Variants in PCDH15 observed in about 807,000 individuals in gnomAD.
The protein encoded by PCDH15 is protocadherin related 15.
PCDH15 carries 129 observed loss-of-function variants against 178.5 expected under a neutral mutation model. The observed-to-expected ratio is 0.72, with a 90% CI of 0.63 to 0.84. The LOEUF is 0.84. Ranked by LOEUF, PCDH15 falls within the 40% of genes least tolerant of loss-of-function variation. The pLI is 0.00. For synonymous variants in PCDH15, 800 were observed against 732.0 expected (o/e 1.09, Z -1.50); for missense variants, 2,230 against 2,099.9 (o/e 1.06, Z -1.21).
intron 3 of PCDH15, among the ~76,000 whole-genome samples, chr10:54,423,740 T>G (rs1424629333): frequency 6.6e-6 from 1 of 151,896 alleles, no homozygotes; most frequent in Non-Finnish European, 1.5e-5. Context: ...GAAAAAAGTT[T>G]GAGAGACAGA....
chr10:55,114,947 A>C (rs894350338), intron 2 of PCDH15, among the ~76,000 whole-genome samples: 3 of 152,362 alleles, frequency 2.0e-5, no homozygotes, highest in Non-Finnish European at 4.4e-5. Flanking sequence ...AAATACACAA[A>C]TTAAAAAGAC....
intron 2 of PCDH15, among the ~76,000 whole-genome samples, chr10:55,346,196 A>G (rs1328817780): frequency 6.6e-6 from 1 of 152,212 alleles, no homozygotes; most frequent in Non-Finnish European, 1.5e-5. Flanking sequence ...AATAGTCTTG[A>G]TCAAAGAGCT....
At chr10:54,558,584 T>C (rs1215981719) in intron 2 of PCDH15, among the ~76,000 whole-genome samples, 7 of 152,122 alleles carry the variant, frequency 4.6e-5, no homozygotes, top group African/African-American at 1.7e-4. Flanking sequence ...TGCTATATCA[T>C]TGTCAAGGTG....
chr10:54,569,984 C>T (rs1279845883), intron 2 of PCDH15, among the ~76,000 whole-genome samples: 1 of 151,944 alleles, frequency 6.6e-6, no homozygotes, highest in Admixed American at 6.6e-5. Context: ...TAGAGGAGGG[C>T]TACATTGGTC....
In PCDH15 at chr10:55,609,951, A is replaced by C. The variant is rs139762505; in HGVS notation, c.-156+17674T>G. Among the ~76,000 whole-genome samples, 1,088 of 152,276 alleles carry C rather than the reference A, an allele frequency of 7.1e-3. 6 individuals are homozygous for C. Among genetic ancestry groups the C allele is most frequent in the South Asian group, 0.023 (113 of 4,830 alleles). ...CTGTCATAATAAGGAGCAAACTGTC[A>C]TAATAAGGAGAAAAAATTGAAACTA... On this transcript the variant is annotated intron_variant, in intron 2 of 5. Coordinates refer to the PCDH15 transcript ENST00000613346.
At chr10:54,979,736 C>T (rs1040342598) in intron 2 of PCDH15, among the ~76,000 whole-genome samples, 2 of 148,834 alleles carry the variant, frequency 1.3e-5, no homozygotes, top group Non-Finnish European at 3.0e-5. Flanking sequence ...AAATGTGATA[C>T]ATATATACAA....
intron 2 of PCDH15, among the ~76,000 whole-genome samples, chr10:54,574,585 C>A (rs1416814214): frequency 7.0e-6 from 1 of 142,156 alleles, no homozygotes; most frequent in Non-Finnish European, 1.5e-5. Flanking sequence ...AAATGCAAAT[C>A]AAAACCACAA....
At chr10:54,256,421 G>C (rs907890188) in intron 8 of PCDH15, among the ~76,000 whole-genome samples, 2 of 152,178 alleles carry the variant, frequency 1.3e-5, no homozygotes, top group African/African-American at 4.8e-5. Context: ...TTGAGAGAAA[G>C]TGAGTAGATT....
At chr10:55,592,751 C>CA (rs1214163655) in intron 2 of PCDH15, among the ~76,000 whole-genome samples, 2 of 151,864 alleles carry the variant, frequency 1.3e-5, no homozygotes, top group African/African-American at 4.8e-5. Flanking sequence ...AGTATTTTTT[C>CA]AAAAATACAC....
chr10:55,496,010 A>C (rs1407519092), intron 2 of PCDH15, among the ~76,000 whole-genome samples: 1 of 151,880 alleles, frequency 6.6e-6, no homozygotes, highest in African/African-American at 2.4e-5. Context: ...TCTTACAGGT[A>C]GGGGTAGGGT....
At chr10:55,524,561 C>T (rs1270275474) in intron 2 of PCDH15, among the ~76,000 whole-genome samples, 2 of 151,420 alleles carry the variant, frequency 1.3e-5, no homozygotes, top group Non-Finnish European at 3.0e-5. Context: ...TAAGAAACCA[C>T]TAACAATTTT....
intron 2 of PCDH15, among the ~76,000 whole-genome samples, chr10:55,623,050 T>C (rs1837439844): frequency 6.6e-6 from 1 of 152,186 alleles, no homozygotes; most frequent in South Asian, 2.1e-4. Flanking sequence ...TTCAAACATG[T>C]TCTCGAACAT....
At chr10:53,869,544 T>C (rs1306908578) in intron 26 of PCDH15, among the ~76,000 whole-genome samples, 1 of 152,200 alleles carries the variant, frequency 6.6e-6, no homozygotes, top group Non-Finnish European at 1.5e-5. Flanking sequence ...TAATGTAAAC[T>C]TTATAAAGGA....
intron 1 of PCDH15, among the ~76,000 whole-genome samples, chr10:54,686,915 A>G (rs1479364828): frequency 1.3e-5 from 2 of 149,870 alleles, no homozygotes; most frequent in Non-Finnish European, 3.0e-5. Flanking sequence ...TTTATTTTTG[A>G]AACTCCTGTA....
At chr10:54,653,791 GCAAA>G (rs752169595) in intron 2 of PCDH15, among the ~76,000 whole-genome samples, 12 of 151,992 alleles carry the variant, frequency 7.9e-5, no homozygotes, top group Non-Finnish European at 1.5e-4. Context: ...AATTCTTCCT[GCAAA>G]CATTTTCTGA....
At chr10:53,864,601 A>C (rs2079320238) in intron 27 of PCDH15, among the ~76,000 whole-genome samples, 1 of 152,050 alleles carries the variant, frequency 6.6e-6, no homozygotes, top group Non-Finnish European at 1.5e-5. Context: ...GGACCTCAAA[A>C]GGAGTATTAA....
At position 54,487,810 on chromosome 10, in the gene PCDH15, C is replaced by A. The variant is rs912398751; in HGVS notation, c.157+40002G>T. On this transcript the variant is annotated intron_variant, in intron 3 of 37. Transcript: ENST00000644397. ...TAAGTAAATAATATGGTTTTGTAGG[C>A]TAAACCCAGATAGTAAAGGAACTAA... Among the ~76,000 whole-genome samples, 8 of 152,024 alleles carry A rather than the reference C, an allele frequency of 5.3e-5. No individual in the cohort carries two copies. In the East Asian group the frequency reaches 1.5e-3, roughly 29 times the overall value.
At chr10:53,964,720 G>T (rs886575174) in intron 21 of PCDH15, among the ~76,000 whole-genome samples, 4 of 152,074 alleles carry the variant, frequency 2.6e-5, no homozygotes, top group Admixed American at 2.0e-4. Context: ...CCTAGTGGTG[G>T]ATGGTCAGTT....
At chr10:55,095,054 G>A (rs1019546300) in intron 2 of PCDH15, among the ~76,000 whole-genome samples, 5 of 151,276 alleles carry the variant, frequency 3.3e-5, no homozygotes, top group African/African-American at 9.7e-5. Flanking sequence ...TCCAAGTAGC[G>A]GGACCACAAG....
Sources: allele counts gnomAD v4.1 joint callset (sites outside exome capture counted in the v4.1 genomes callset), GRCh38; gene constraint gnomAD v4.1.1; transcripts MANE v1.5; gene names NCBI Gene and HGNC (gene_info 2026-07-23, HGNC 2026-07-21).